Variants in CSMD2 observed in about 807,000 individuals in gnomAD.
The protein encoded by CSMD2 is CUB and Sushi multiple domains 2, also known as CUB and sushi domain-containing protein 2.
A neutral mutation model predicts 398.5 loss-of-function variants in CSMD2; 130 were observed. That is an observed-to-expected ratio of 0.33 (90% CI 0.28 to 0.38). The LOEUF is 0.38. Ranked by LOEUF, CSMD2 falls within the 10% of genes least tolerant of loss-of-function variation. The probability of loss-of-function intolerance (pLI) is 1.00; values close to 1 mark genes in which losing one functional copy is unlikely to be tolerated. For missense variants in CSMD2, 3,829 were observed against 4,764.9 expected, an observed-to-expected ratio of 0.80 and a Z score of 5.78; for synonymous variants, 1,828 against 1,908.5, an observed-to-expected ratio of 0.96 and a Z score of 1.10.
rs1308379824 is a variant in CSMD2, at chr1:34,163,574, C to A, written c.187+1337G>T. On this transcript the variant is annotated intron_variant, in intron 1 of 70. Coordinates refer to ENST00000373381, the MANE Select transcript of CSMD2 (RefSeq NM_001281956.2). This position sits in a 1 kb window ranked among gnomAD's most constrained non-coding sequence, Gnocchi z 5.4. ...ACTCACTGACCTGCCAGAGGAGAGG[C>A]GCACTTTCCCAAGAAGGGGAACTGG... Among the ~76,000 whole-genome samples the A allele has an allele frequency of 1.3e-5, 2 of 152,166 alleles. No individual in the cohort carries two copies. Among genetic ancestry groups the A allele is most frequent in the Non-Finnish European group, 2.9e-5 (2 of 68,034 alleles).
At chr1:33,591,857 G>A (rs1184543081) in intron 44 of CSMD2, 1 of 153,560 alleles carries the variant, frequency 6.5e-6, no homozygotes, top group Admixed American at 6.3e-5. Flanking sequence ...TGAATGATTT[G>A]TAATGACTGT....
At chr1:33,804,788 A>G in intron 10 of CSMD2, 4 of 717,358 alleles carry the variant, frequency 5.6e-6, no homozygotes, top group Non-Finnish European at 5.2e-6. Flanking sequence ...CACAGCATCC[A>G]TTGTCCTTGC....
chr1:33,527,089 G>T, intron 65 of CSMD2, 107 bp downstream of exon 65: 2 of 998,756 alleles, frequency 2.0e-6, no homozygotes, highest in Non-Finnish European at 3.2e-6. Flanking sequence ...TAGTTTTCAT[G>T]CCCTTCCTCT....
In CSMD2 at chr1:33,625,260, G is replaced by A. The variant is rs1415454211; in HGVS notation, c.5297-6C>T. 1.2e-6 allele frequency: 2 copies of A among 1,607,360 alleles called. No individual in the cohort carries two copies. Among genetic ancestry groups the A allele is most frequent in the Admixed American group, 1.7e-5 (1 of 59,176 alleles). On this transcript the variant is annotated splice_polypyrimidine_tract_variant and splice_region_variant and intron_variant, in intron 33 of 70. Transcript: ENST00000373381. The stretch of plus-strand genomic sequence containing the variant: ...GGCGCTGGTTCGAGGAACCGCTGTG[G>A]GGGACAAGGGCACTGAGGGGAGGCC...
rs1235858516 is a variant in CSMD2, at chr1:33,739,263, G to T, written c.2245C>A (p.Leu749Met). ...NGKRFGDSLQ[L>M]GSSISFLCDE... ...CAGAGGAAGGAGATGGAGCTGCCCAGCTGGAGGCTGTCCCCAAACCGTTTG... is the reference window on the plus strand; with the variant it reads ...CAGAGGAAGGAGATGGAGCTGCCCATCTGGAGGCTGTCCCCAAACCGTTTG... The change falls in exon 15 of 71, where the codon CTG (leucine) becomes ATG (methionine). Residue 749 changes from leucine to methionine, a missense_variant. Coordinates refer to ENST00000373381, the MANE Select transcript of CSMD2 (RefSeq NM_001281956.2). 20 of 1,614,220 alleles carry T rather than the reference G, an allele frequency of 1.2e-5. No homozygotes were observed. Among genetic ancestry groups the T allele is most frequent in the Non-Finnish European group, 1.7e-5 (20 of 1,180,030 alleles).
chr1:33,540,782 C>A (rs752691458), intron 59 of CSMD2, 84 bp from the exon 60 acceptor site: 1 of 1,455,122 alleles, frequency 6.9e-7, no homozygotes, highest in Non-Finnish European at 9.5e-7. Context: ...CACCGACTAC[C>A]CTGCACCCAC....
At position 33,542,712 on chromosome 1, in the gene CSMD2, G is replaced by A. The variant is rs750390291; in HGVS notation, c.9277+8C>T. On this transcript the variant is annotated splice_region_variant and intron_variant, in intron 58 of 70. Coordinates refer to ENST00000373381, the MANE Select transcript of CSMD2 (RefSeq NM_001281956.2). ...TGGCCATGGAACCCGTAGGGCCTGA[G>A]CTCTCACCGAGGCACTCAGGGTCAC... is the stretch of plus-strand genomic sequence containing the variant. 3 of 1,611,828 alleles carry A rather than the reference G, an allele frequency of 1.9e-6. No individual in the cohort carries two copies. The highest frequency in any genetic ancestry group is 1.7e-5 in the Admixed American group (1 of 59,872).
At chr1:33,769,943 AAC>A (rs1223722556) in intron 13 of CSMD2, among the ~76,000 whole-genome samples, 1 of 152,192 alleles carries the variant, frequency 6.6e-6, no homozygotes, top group African/African-American at 2.4e-5. Flanking sequence ...CGCTTTGTAA[AAC>A]ACAGAGACCA....
chr1:33,689,695 G>A (rs1645171115), intron 25 of CSMD2, among the ~76,000 whole-genome samples: 1 of 152,044 alleles, frequency 6.6e-6, no homozygotes, highest in Non-Finnish European at 1.5e-5. Flanking sequence ...GGTACATTAC[G>A]GCCGCTATGC....
intron 26 of CSMD2, among the ~76,000 whole-genome samples, chr1:33,658,896 C>A (rs1038085894): frequency 2.6e-5 from 4 of 152,108 alleles, no homozygotes; most frequent in African/African-American, 7.2e-5. Flanking sequence ...TCCATGTATT[C>A]AATTGGAAGG....
In CSMD2 at chr1:34,007,421, T is replaced by G. The variant is rs1647095604; in HGVS notation, c.517+25173A>C. ...AAGATTGGCCTCCTCTGACCCCTGT[T>G]GTTGAACCACCTTTTACCCATCCAA... On this transcript the variant is annotated intron_variant, in intron 3 of 70. Transcript: ENST00000373381. Among the ~76,000 whole-genome samples the G allele has an allele frequency of 2.0e-5, 3 of 152,206 alleles. No homozygotes were observed. The South Asian group carries it at 6.2e-4, about 32-fold the overall frequency.
At chr1:34,155,875 A>T (rs1274919032) in intron 1 of CSMD2, among the ~76,000 whole-genome samples, 7 of 152,288 alleles carry the variant, frequency 4.6e-5, no homozygotes, top group Middle Eastern at 3.4e-3. Flanking sequence ...ACTGTGTATT[A>T]TTATCCCCAT....
intron 64 of CSMD2, among the ~76,000 whole-genome samples, chr1:33,528,791 T>C (rs1248477418): frequency 1.3e-5 from 2 of 152,174 alleles, no homozygotes; most frequent in Non-Finnish European, 2.9e-5. Flanking sequence ...GTAGCTATAA[T>C]AACAGATAAA....
At chr1:33,810,713 GAACAC>G in intron 10 of CSMD2, 25 bp downstream of exon 10, 2 of 1,609,366 alleles carry the variant, frequency 1.2e-6, no homozygotes, top group Non-Finnish European at 1.7e-6. Context: ...CCTGCCCACA[GAACAC>G]CACCCCGCTC....
intron 10 of CSMD2, among the ~76,000 whole-genome samples, chr1:33,793,019 C>T (rs1557902697): frequency 6.6e-6 from 1 of 152,038 alleles, no homozygotes; most frequent in African/African-American, 2.4e-5. Flanking sequence ...CAACAAGATT[C>T]CCCCCTCTTG....
chr1:33,622,061 T>A, intron 37 of CSMD2, 106 bp downstream of exon 37: 4 of 836,370 alleles, frequency 4.8e-6, no homozygotes, highest in Non-Finnish European at 8.1e-6. Context: ...AAGGCTTAAG[T>A]GGGATGGACA....
rs918654777 is a variant in CSMD2 at position 33,542,723 on chromosome 1, G to T, written c.9274C>A (p.Leu3092Ile). The stretch of plus-strand genomic sequence containing the variant: ...CCCGTAGGGCCTGAGCTCTCACCGA[G>T]GCACTCAGGGTCACTGCCTGTCCAG... ...GTWTGSDPECLVINCGDPGIP... is the reference protein window; with the variant it reads ...GTWTGSDPECIVINCGDPGIP... The change falls in exon 58 of 71, where the codon CTC (leucine) becomes ATC (isoleucine). Residue 3092 changes from leucine to isoleucine, a missense_variant. Physicochemically the swap from Leu to Ile is conservative, Grantham distance 5 (BLOSUM62 2). Coordinates refer to ENST00000373381, the MANE Select transcript of CSMD2 (RefSeq NM_001281956.2). 2 of 1,612,892 alleles carry T rather than the reference G, an allele frequency of 1.2e-6. No individual in the cohort carries two copies. Among genetic ancestry groups the T allele is most frequent in the Non-Finnish European group, 1.7e-6 (2 of 1,179,522 alleles).
chr1:33,998,687 G>A (rs1646804007), intron 3 of CSMD2, among the ~76,000 whole-genome samples: 1 of 152,192 alleles, frequency 6.6e-6, no homozygotes, highest in Admixed American at 6.5e-5. Context: ...GGTACATGGA[G>A]GACCAGCTAC....
rs143684884 is a variant in CSMD2 at position 33,724,643 on chromosome 1, A to G, written c.2757T>C (p.His919=). 77 of 1,614,062 alleles carry G rather than the reference A, an allele frequency of 4.8e-5. No individual in the cohort carries two copies. The highest frequency in any genetic ancestry group is 5.6e-5 in the Non-Finnish European group (66 of 1,180,042). The change falls in exon 18 of 71, where the codon CAT becomes CAC. Residue 919 remains histidine (H), a synonymous_variant. Coordinates refer to ENST00000373381, the MANE Select transcript of CSMD2 (RefSeq NM_001281956.2). ...DPGIPVNGQR[H]GNDFYVGALV... The stretch of plus-strand genomic sequence containing the variant: ...GCGCGCCCACGTAGAAGTCATTCCC[A>G]TGACGCTGTCCATTTACTGGGATTC...
Sources: allele counts gnomAD v4.1 joint callset (sites outside exome capture counted in the v4.1 genomes callset), GRCh38; gene constraint gnomAD v4.1.1; non-coding constraint Gnocchi (gnomAD v3.1); transcripts MANE v1.5; gene names NCBI Gene and HGNC (gene_info 2026-07-23, HGNC 2026-07-21).